CSE1L: variants seen among roughly 807,000 people sequenced by gnomAD.
CSE1L encodes chromosome segregation 1 like.
CSE1L carries 24 observed loss-of-function variants against 120.4 expected under a neutral mutation model. The ratio of observed to expected loss-of-function variants is 0.20; its 90% confidence interval spans 0.14 to 0.28. The LOEUF (loss-of-function observed/expected upper bound fraction) is 0.28, where lower values mean the gene tolerates loss of function less well. CSE1L is among the 10% of genes least tolerant of loss of function. CSE1L has a pLI of 1.00. For synonymous variants in CSE1L, 402 were observed against 398.3 expected (o/e 1.01, Z -0.11); for missense variants, 830 against 1,145.2 (o/e 0.72, Z 3.97).
At chr20:49,070,993 ATTGTAAT>A in intron 8 of CSE1L, among the ~76,000 whole-genome samples, 1 of 152,276 alleles carries the variant, frequency 6.6e-6, no homozygotes, top group Admixed American at 6.5e-5. Context: ...ATGGTAAAAG[ATTGTAAT>A]TTGTAAATAT....
intron 14 of CSE1L, among the ~76,000 whole-genome samples, chr20:49,082,481 C>T (rs1373334338): frequency 1.3e-5 from 2 of 151,920 alleles, no homozygotes; most frequent in Admixed American, 1.3e-4. Flanking sequence ...TGACATCATA[C>T]TATGGGTTTC....
In CSE1L at chr20:49,089,599, C is replaced by T. The variant is rs1333192845; in HGVS notation, c.2034C>T (p.Ile678=). Residue 678 remains isoleucine, a synonymous_variant, in exon 19 of 25, where the codon ATC becomes ATT. Transcript: ENST00000262982. ...SLLLETHKND[I]PSSYMALFPH... Reference sequence around the variant, plus strand: ...TTCTGGAAACACACAAAAATGACATCCCGTCTTCCTATATGGCCTTATTTC... The same window carrying T: ...TTCTGGAAACACACAAAAATGACATTCCGTCTTCCTATATGGCCTTATTTC... 7 of 1,614,120 alleles carry T rather than the reference C, an allele frequency of 4.3e-6. No individual in the cohort carries two copies. In the South Asian group the frequency reaches 6.6e-5, roughly 15 times the overall value.
At chr20:49,061,167 AT>A (rs3092068) in intron 2 of CSE1L, among the ~76,000 whole-genome samples, 25,324 of 116,106 alleles carry the variant, frequency 0.22, 1,111 homozygotes, top group East Asian at 0.38. Flanking sequence ...ACTATTAAAA[AT>A]TTTTTTTTTT....
At chr20:49,095,270 C>A in intron 24 of CSE1L, 1 of 326,986 alleles carries the variant, frequency 3.1e-6, no homozygotes, top group South Asian at 3.9e-5. Flanking sequence ...AGTTTATTTC[C>A]CAGATCGAAG....
Position 49,094,306 on chromosome 20 carries a change from A to G in CSE1L, c.2594+20A>G, listed in dbSNP as rs764310944. 1 of 1,599,548 alleles carries G rather than the reference A, an allele frequency of 6.3e-7. No homozygotes were observed. Among genetic ancestry groups the G allele is most frequent in the South Asian group, 1.1e-5 (1 of 87,258 alleles). ...ACTGTGGTAAGTACTTCATTTTAAT[A>G]TTTTTGTAAGTTACAGCTTCCTTCC... On this transcript the variant is annotated intron_variant, in intron 23 of 24. Transcript: ENST00000262982.
At chr20:49,077,661 T>C (rs16994380) in intron 13 of CSE1L, among the ~76,000 whole-genome samples, 2,650 of 152,294 alleles carry the variant, frequency 0.017, 81 homozygotes, top group African/African-American at 0.061. Context: ...GAAAGACGAA[T>C]TCTTAAAAAT....
chr20:49,074,672 A>C, intron 10 of CSE1L, 113 bp from the exon 11 acceptor site: 1 of 720,496 alleles, frequency 1.4e-6, no homozygotes, highest in Non-Finnish European at 2.3e-6. Flanking sequence ...ATCTGATGGG[A>C]ACGAATTCTT....
intron 2 of CSE1L, among the ~76,000 whole-genome samples, chr20:49,062,878 G>A (rs2091862763): frequency 6.6e-6 from 1 of 151,666 alleles, no homozygotes; most frequent in Admixed American, 6.6e-5. Context: ...ATAAGACCTG[G>A]GTATATGAAG....
intron 1 of CSE1L, among the ~76,000 whole-genome samples, chr20:49,048,623 C>T (rs746586673): frequency 3.9e-5 from 6 of 152,042 alleles, no homozygotes. Flanking sequence ...GGACAGGAAC[C>T]GGCTTGGAAT....
Position 49,074,767 on chromosome 20 carries a change from T to C in CSE1L, c.1067-18T>C. 2 of 1,605,510 alleles carry C rather than the reference T, an allele frequency of 1.2e-6. No homozygotes were observed. Among genetic ancestry groups the C allele is most frequent in the South Asian group, 1.1e-5 (1 of 89,800 alleles). On this transcript the variant is annotated intron_variant, in intron 10 of 24. Transcript: ENST00000262982. ...ACGTCTTTTGGAGTGTTATCTGAAA[T>C]ATCATCTCTCCTTGTAGCTGCTGAT...
intron 16 of CSE1L, among the ~76,000 whole-genome samples, chr20:49,087,272 T>C (rs915216794): frequency 6.6e-6 from 1 of 152,016 alleles, no homozygotes; most frequent in Non-Finnish European, 1.5e-5. Context: ...AGTTTTCTCT[T>C]CAGTTTCCTG....
At chr20:49,079,943 A>G (rs2091998376) in intron 14 of CSE1L, among the ~76,000 whole-genome samples, 1 of 152,138 alleles carries the variant, frequency 6.6e-6, no homozygotes, top group African/African-American at 2.4e-5. Context: ...GTGTGGTGGC[A>G]CATGCCTATA....
At chr20:49,056,190 TCTGCCTCCAGGTTCAAGCGATTCTC>T (rs2091805377) in intron 1 of CSE1L, among the ~76,000 whole-genome samples, 1 of 152,094 alleles carries the variant, frequency 6.6e-6, no homozygotes, top group Non-Finnish European at 1.5e-5. Context: ...CACTGCAGCT[TCTGCCTCCAGGTTCAAGCGATTCTC>T]CTGCCTCAGC....
chr20:49,092,194 T>C (rs1264288064), intron 22 of CSE1L, 67 bp downstream of exon 22: 7 of 806,800 alleles, frequency 8.7e-6, no homozygotes, highest in Admixed American at 5.3e-5. Context: ...TACAAATCAG[T>C]ATCTCTGTCT....
chr20:49,051,368 A>G (rs773665710), intron 1 of CSE1L, among the ~76,000 whole-genome samples: 1 of 146,606 alleles, frequency 6.8e-6, no homozygotes, highest in Non-Finnish European at 1.5e-5. Context: ...AACACGGTGA[A>G]ACCGCATCTT....
rs2091962876 is a variant in CSE1L at position 49,075,514 on chromosome 20, A to G, written c.1329A>G (p.Thr443=). ...LVTSLASKAQ[T]QKHGITQANE... ...CATCTTTGGCATCAAAAGCCCAAACACAGAAGGTAAATATTTTTAATGTGG... is the reference window on the plus strand; with the variant it reads ...CATCTTTGGCATCAAAAGCCCAAACGCAGAAGGTAAATATTTTTAATGTGG... The change falls in exon 12 of 25, where the codon ACA becomes ACG. Residue 443 remains threonine, a synonymous_variant. Transcript: ENST00000262982. 1 of 1,613,700 alleles carries G rather than the reference A, an allele frequency of 6.2e-7. No individual in the cohort carries two copies. Among genetic ancestry groups the G allele is most frequent in the South Asian group, 1.1e-5 (1 of 91,078 alleles).
At chr20:49,089,907 G>A (rs1042171172) in intron 19 of CSE1L, among the ~76,000 whole-genome samples, 161 bp downstream of exon 19, 18 of 152,032 alleles carry the variant, frequency 1.2e-4, no homozygotes, top group African/African-American at 3.6e-4. Context: ...CCCTTGAGCC[G>A]AGGAGTTTAA....
At chr20:49,065,313 ATT>A (rs376073464) in intron 3 of CSE1L, among the ~76,000 whole-genome samples, 29 of 52,112 alleles carry the variant, frequency 5.6e-4, no homozygotes, top group East Asian at 2.0e-3. Context: ...TGAAAAAAAA[ATT>A]TTTTTTTTTT....
intron 14 of CSE1L, among the ~76,000 whole-genome samples, chr20:49,083,564 C>T (rs936230330): frequency 1.3e-5 from 2 of 152,154 alleles, no homozygotes; most frequent in African/African-American, 4.8e-5. Flanking sequence ...CCACCACACC[C>T]AGGAGGCTTT....
Sources: allele counts gnomAD v4.1 joint callset (sites outside exome capture counted in the v4.1 genomes callset), GRCh38; gene constraint gnomAD v4.1.1; transcripts MANE v1.5; gene names NCBI Gene and HGNC (gene_info 2026-07-23, HGNC 2026-07-21).